Variants in PSMD2 observed in about 807,000 individuals in gnomAD.
PSMD2 encodes 26S proteasome non-ATPase regulatory subunit 2.
Under a neutral mutation model 101.5 loss-of-function variants are expected in PSMD2, and 8 were observed. The observed-to-expected ratio is 0.08, with a 90% confidence interval of 0.05 to 0.14. The LOEUF is 0.14. Among genes scored for constraint, PSMD2 ranks in the 10% least tolerant of loss-of-function variants. PSMD2 has a pLI of 1.00. For missense variants in PSMD2, 784 were observed against 1,147.4 expected, an observed-to-expected ratio of 0.68 and a Z score of 4.58; for synonymous variants, 418 against 433.8, an observed-to-expected ratio of 0.96 and a Z score of 0.45.
At position 184,304,296 on chromosome 3, in the gene PSMD2, T is replaced by C; in HGVS notation, c.1452-8T>C. On this transcript the variant is annotated splice_polypyrimidine_tract_variant and splice_region_variant and intron_variant, in intron 11 of 20. Coordinates refer to ENST00000310118, the MANE Select transcript of PSMD2 (RefSeq NM_002808.5). The surrounding 1 kb of genome is among the most constrained non-coding windows in gnomAD (Gnocchi z 4.1). ...GTGTTGGGGACCGCCTTTCCATGGC[T>C]TTTGCAGGCTAGGCTTGGCTTATGC... The C allele has an allele frequency of 6.2e-7, 1 of 1,614,094 alleles. No homozygotes were observed. The highest frequency in any genetic ancestry group is 8.5e-7 in the Non-Finnish European group (1 of 1,179,936).
rs935000597 is a variant in PSMD2 at position 184,309,008 on chromosome 3, A to G, written c.*118A>G. ...AATTGTCGCCTCCTGCTCTTTTGTTACTGAGTGAGATAAGGTTGTTCAATA... is the reference window on the plus strand; with the variant it reads ...AATTGTCGCCTCCTGCTCTTTTGTTGCTGAGTGAGATAAGGTTGTTCAATA... On this transcript the variant is annotated 3_prime_UTR_variant, in exon 21 of 21. Coordinates refer to ENST00000310118, the MANE Select transcript of PSMD2 (RefSeq NM_002808.5). 42 of 1,056,160 alleles carry G rather than the reference A, an allele frequency of 4.0e-5. No individual in the cohort carries two copies. Among genetic ancestry groups the G allele is most frequent in the Non-Finnish European group, 5.8e-5 (42 of 722,182 alleles). 65.4% of individuals were successfully genotyped at this position (1,056,160 alleles called of 1,614,324 possible).
rs1417601602 is a variant in PSMD2 at position 184,303,949 on chromosome 3, A to C, written c.1326A>C (p.Ser442=). The C allele has an allele frequency of 6.2e-7, 1 of 1,614,130 alleles. No homozygotes were observed. Among genetic ancestry groups the C allele is most frequent in the African/African-American group, 1.3e-5 (1 of 74,948 alleles). The change falls in exon 11 of 21, where the codon TCA becomes TCC. Residue 442 remains serine (S), a splice_region_variant and synonymous_variant. Transcript: ENST00000310118. ...YLYSSEDYIK[S]GALLACGIVN... ...AAGAATCTGTTTGCTCTTTGTAGTC[A>C]GGAGCTCTTCTTGCCTGTGGCATAG...
intron 9 of PSMD2, 82 bp downstream of exon 9, chr3:184,303,548 G>A (rs1721723313): frequency 4.4e-6 from 7 of 1,605,044 alleles, no homozygotes; most frequent in African/African-American, 1.3e-5. Context: ...TATCTGACAA[G>A]GGATCCACCA....
chr3:184,306,217 C>T (rs1342067778), intron 14 of PSMD2, 62 bp downstream of exon 14: 1 of 1,600,678 alleles, frequency 6.2e-7, no homozygotes, highest in Non-Finnish European at 8.6e-7. Context: ...TTTCTTGGTC[C>T]TTATTTTCAG....
Position 184,308,880 on chromosome 3 carries a change from A to G in PSMD2, c.2717A>G (p.Tyr906Cys), listed in dbSNP as rs1284457588. The G allele has an allele frequency of 1.2e-6, 2 of 1,611,848 alleles. No individual in the cohort carries two copies. The highest frequency in any genetic ancestry group is 1.7e-5 in the Admixed American group (1 of 59,990). Residue 906 changes from tyrosine to cysteine, a missense_variant, in exon 21 of 21, where the codon TAT becomes TGT. This residue lies in a region of PSMD2 where 33 missense variants were observed against 38.2 expected (regional missense o/e 0.86). Transcript: ENST00000310118. This position sits in a 1 kb window ranked among gnomAD's most constrained non-coding sequence, Gnocchi z 6.0. The part of the protein sequence containing the change: ...GFVILRKNPN[Y>C]DL Reference sequence around the variant, plus strand: ...GTTATCCTTCGGAAGAACCCCAATTATGATCTCTAAGTGACCACCAGGGGC... The same window carrying G: ...GTTATCCTTCGGAAGAACCCCAATTGTGATCTCTAAGTGACCACCAGGGGC...
chr3:184,303,943 G>A lies in PSMD2; in HGVS notation c.1324-4G>A. On this transcript the variant is annotated splice_region_variant and splice_polypyrimidine_tract_variant and intron_variant, in intron 10 of 20. Transcript: ENST00000310118. ...TGAGTGAAGAATCTGTTTGCTCTTT[G>A]TAGTCAGGAGCTCTTCTTGCCTGTG... The A allele has an allele frequency of 6.2e-7, 1 of 1,614,254 alleles. No individual in the cohort carries two copies.
At chr3:184,300,196 G>A in intron 2 of PSMD2, 84 bp from the exon 3 acceptor site, 1 of 1,333,328 alleles carries the variant, frequency 7.5e-7, no homozygotes, top group Non-Finnish European at 1.0e-6. Flanking sequence ...TTTCCTTGGA[G>A]GAGTTGTTAA....
In PSMD2 at chr3:184,299,918, A is replaced by G. The variant is rs766037682; in HGVS notation, c.192+11A>G. 59 of 1,611,312 alleles carry G rather than the reference A, an allele frequency of 3.7e-5. No individual in the cohort carries two copies. Among genetic ancestry groups the G allele is most frequent in the Non-Finnish European group, 4.6e-5 (54 of 1,177,544 alleles). ...GTGGAACGACTAGGGGTGAGTCACG[A>G]TGTTAACATGATTCGGTGCATGTTT... On this transcript the variant is annotated intron_variant, in intron 2 of 20. Coordinates refer to ENST00000310118, the MANE Select transcript of PSMD2 (RefSeq NM_002808.5).
chr3:184,306,198 CCT>C (rs757519242), intron 14 of PSMD2, 43 bp downstream of exon 14: 1 of 1,598,944 alleles, frequency 6.3e-7, no homozygotes, highest in Non-Finnish European at 8.6e-7. Flanking sequence ...CCCAGTGACT[CCT>C]CACTTCTTTC....
chr3:184,306,316 T>G, intron 14 of PSMD2, 34 bp from the exon 15 acceptor site: 3 of 1,608,176 alleles, frequency 1.9e-6, no homozygotes, highest in Non-Finnish European at 2.5e-6. Flanking sequence ...TAACTTCTCA[T>G]TTCTGTCCAT....
rs1006618903 is a variant in PSMD2, at chr3:184,308,815, T to G, written c.2652T>G (p.Thr884=). 6.2e-7 allele frequency: 1 copy of G among 1,613,592 alleles called. No individual in the cohort carries two copies. ...LAHGERAELA[T]EEFLPVTPIL... ...ACGGGGAACGGGCAGAATTGGCCAC[T>G]GAGGAGTTTCTTCCTGTTACCCCCA... Residue 884 remains threonine, a synonymous_variant, in exon 21 of 21, where the codon ACT becomes ACG. Coordinates refer to ENST00000310118, the MANE Select transcript of PSMD2 (RefSeq NM_002808.5). The surrounding 1 kb of genome is among the most constrained non-coding windows in gnomAD (Gnocchi z 6.0).
Position 184,308,476 on chromosome 3 carries a change from T to C in PSMD2, c.2453T>C (p.Leu818Ser). The change falls in exon 20 of 21, where the codon TTG becomes TCG. Residue 818 changes from leucine (L) to serine (S), a missense_variant. Physicochemically the swap from Leu to Ser is moderately radical, Grantham distance 145. Around this residue, in one of 6 missense-constraint regions of PSMD2, gnomAD observed 282 missense variants for 437.6 expected, o/e 0.64. Transcript: ENST00000310118. This position sits in a 1 kb window ranked among gnomAD's most constrained non-coding sequence, Gnocchi z 6.0. ...NIILGKSHYV[L>S]YGLVAAMQPR... ...ATTCTAGGCAAATCACACTATGTAT[T>C]GTATGGGCTGGTGGCTGCCATGCAG... is the stretch of plus-strand genomic sequence containing the variant. 2 of 1,612,036 alleles carry C rather than the reference T, an allele frequency of 1.2e-6. No homozygotes were observed. Among genetic ancestry groups the C allele is most frequent in the Non-Finnish European group, 1.7e-6 (2 of 1,179,740 alleles).
chr3:184,304,533 A>ACTGAGGTGACG lies in PSMD2; in HGVS notation c.1539+143_1539+144insTGAGGTGACGC. The ACTGAGGTGACG allele has an allele frequency of 1.2e-6, 1 of 812,622 alleles. No homozygotes were observed. The highest frequency in any genetic ancestry group is 2.0e-6 in the Non-Finnish European group (1 of 498,016). 50.3% of individuals were successfully genotyped at this position (812,622 alleles called of 1,614,324 possible). ...CTGTTGGTGTGTATTGAGGGGCGTC[A>ACTGAGGTGACG]CCTCAGTGAAACCCCTTGATCTGGG... On this transcript the variant is annotated intron_variant, in intron 12 of 20. Coordinates refer to ENST00000310118, the MANE Select transcript of PSMD2 (RefSeq NM_002808.5). This position sits in a 1 kb window ranked among gnomAD's most constrained non-coding sequence, Gnocchi z 4.1.
Position 184,305,950 on chromosome 3 carries a change from T to G in PSMD2, c.1702+20T>G. 6.2e-7 allele frequency: 1 copy of G among 1,613,990 alleles called. No individual in the cohort carries two copies. Among genetic ancestry groups the G allele is most frequent in the African/African-American group, 1.3e-5 (1 of 75,060 alleles). ...ACCTGGGTGAGGGGATGTTTCTATTTGGGCAAAGAGCTGACAGTAACTGGA... is the reference window on the plus strand; with the variant it reads ...ACCTGGGTGAGGGGATGTTTCTATTGGGGCAAAGAGCTGACAGTAACTGGA... On this transcript the variant is annotated intron_variant, in intron 13 of 20. Transcript: ENST00000310118.
At position 184,301,491 on chromosome 3, in the gene PSMD2, A is replaced by T. The variant is rs368274137; in HGVS notation, c.358-46A>T. The T allele has an allele frequency of 7.7e-4, 1,235 of 1,609,512 alleles. 16 individuals carry two copies. In the South Asian group the frequency reaches 0.012, roughly 16 times the overall value. On this transcript the variant is annotated intron_variant, in intron 3 of 20. Transcript: ENST00000310118. ...TGATTCCACAATGCATGCTCCCTTT[A>T]TGCTGGACTGCTGGGTTTGACTTCA...
intron 3 of PSMD2, 128 bp downstream of exon 3, chr3:184,300,572 A>C (rs1721607995): frequency 6.9e-7 from 1 of 1,449,124 alleles, no homozygotes; most frequent in Non-Finnish European, 9.1e-7. Context: ...AGCAGAGTTC[A>C]TCACAGTCAA....
chr3:184,306,197 TCC>T (rs3833586), intron 14 of PSMD2, 42 bp downstream of exon 14: 2 of 1,604,306 alleles, frequency 1.2e-6, no homozygotes, highest in East Asian at 4.5e-5. Context: ...CCCCAGTGAC[TCC>T]TCACTTCTTT....
At position 184,304,528 on chromosome 3, in the gene PSMD2, GC is replaced by G; in HGVS notation, c.1539+138del. 1 of 857,070 alleles carries G rather than the reference GC, an allele frequency of 1.2e-6. No individual in the cohort carries two copies. The highest frequency in any genetic ancestry group is 2.5e-5 in the East Asian group (1 of 40,118). 53.1% of individuals were successfully genotyped at this position (857,070 alleles called of 1,614,324 possible). On this transcript the variant is annotated intron_variant, in intron 12 of 20. Coordinates refer to ENST00000310118, the MANE Select transcript of PSMD2 (RefSeq NM_002808.5). This position sits in a 1 kb window ranked among gnomAD's most constrained non-coding sequence, Gnocchi z 4.1. ...CATGCCTGTTGGTGTGTATTGAGGG[GC>G]GTCACCTCAGTGAAACCCCTTGATC...
In PSMD2 at chr3:184,306,808, A is replaced by T. The variant is rs1009984125; in HGVS notation, c.2008A>T (p.Met670Leu). The stretch of plus-strand genomic sequence containing the variant: ...TATGGGGGAGGAGATTGGTGCAGAG[A>T]TGGCATTACGAACCTTTGGCCACTT... ...IAMGEEIGAE[M>L]ALRTFGHLLR... The change falls in exon 16 of 21, where the codon ATG becomes TTG. Residue 670 changes from methionine (M) to leucine (L), a missense_variant. Around this residue, in one of 6 missense-constraint regions of PSMD2, gnomAD observed 282 missense variants for 437.6 expected, o/e 0.64. Transcript: ENST00000310118. 4.3e-6 allele frequency: 7 copies of T among 1,613,800 alleles called. No individual in the cohort carries two copies. The highest frequency in any genetic ancestry group is 5.9e-6 in the Non-Finnish European group (7 of 1,179,974).
Sources: gnomAD v4.1 joint callset for allele counts on GRCh38, gnomAD v4.1.1 for gene constraint, gnomAD v4.1.1 regional missense constraint, Gnocchi (gnomAD v3.1) non-coding constraint, MANE v1.5 for transcripts, NCBI Gene and HGNC (gene_info 2026-07-23, HGNC 2026-07-21) for gene names.